The following COL22A1 variants were observed in gnomAD, a reference collection of about 807,000 sequenced individuals.
COL22A1 encodes the protein collagen type XXII alpha 1 chain.
In COL22A1, 221 loss-of-function variants were observed where a neutral mutation model predicts 248.9. The observed-to-expected ratio is 0.89, with a 90% CI of 0.80 to 0.99. The LOEUF (loss-of-function observed/expected upper bound fraction) is 0.99. Among genes scored for constraint, COL22A1 ranks in the 50% least tolerant of loss-of-function variants. COL22A1 has a pLI of 0.00. For missense variants in COL22A1, 2,240 were observed against 2,179.0 expected (o/e 1.03, Z -0.56); for synonymous variants, 891 against 793.4 (o/e 1.12, Z -2.07).
At chr8:138,872,415 G>A (rs1359745168) in intron 3 of COL22A1, among the ~76,000 whole-genome samples, 2 of 152,200 alleles carry the variant, frequency 1.3e-5, no homozygotes, top group Non-Finnish European at 2.9e-5. Flanking sequence ...ACAGGATGCA[G>A]CAAGGGACTC....
intron 5 of COL22A1, among the ~76,000 whole-genome samples, chr8:138,831,224 C>A (rs762151893): frequency 1.3e-5 from 2 of 152,158 alleles, no homozygotes; most frequent in Non-Finnish European, 2.9e-5. Flanking sequence ...CATGCAGAAA[C>A]CCCTACTCTA....
At chr8:138,902,735 TATATACACAC>T (rs1159531520) in intron 1 of COL22A1, among the ~76,000 whole-genome samples, 36 of 90,358 alleles carry the variant, frequency 4.0e-4, no homozygotes, top group African/African-American at 1.4e-3. Flanking sequence ...AATATATATA[TATATACACAC>T]ACACACACAC....
chr8:138,758,075 T>A (rs1232504997), intron 18 of COL22A1, among the ~76,000 whole-genome samples: 1 of 152,226 alleles, frequency 6.6e-6, no homozygotes, highest in African/African-American at 2.4e-5. Flanking sequence ...AACCAGTCAC[T>A]GCTCACTTTT....
intron 12 of COL22A1, among the ~76,000 whole-genome samples, chr8:138,783,330 C>G (rs1037308858): frequency 8.6e-5 from 13 of 151,796 alleles, no homozygotes; most frequent in African/African-American, 2.9e-4. Flanking sequence ...TATTAACTAA[C>G]AACAAGATCA....
In COL22A1 at chr8:138,606,468, TGA is replaced by T; in HGVS notation, c.4033-18_4033-17del. ...CTTTCTGGCCCTGCAAAGAGAAAAC[TGA>T]GAATTAATTCCTCAAGGTCACGTAC... On this transcript the variant is annotated splice_polypyrimidine_tract_variant and intron_variant, in intron 57 of 64. Transcript: ENST00000303045. The T allele has an allele frequency of 6.2e-7, 1 of 1,612,214 alleles. No homozygotes were observed. Among genetic ancestry groups the T allele is most frequent in the Non-Finnish European group, 8.5e-7 (1 of 1,179,188 alleles).
chr8:138,685,898 A>G lies in COL22A1; in HGVS notation c.2863-586T>C, dbSNP rs138768293. ...CTCAATGCAAAACATGGAAAAGGAA[A>G]GGACGTTAGTGACGACCTCCCACCC... On this transcript the variant is annotated intron_variant, in intron 37 of 64. Coordinates refer to ENST00000303045, the MANE Select transcript of COL22A1 (RefSeq NM_152888.3). 2.6e-3 allele frequency among the ~76,000 whole-genome samples: 392 copies of G among 152,294 alleles called. 4 individuals carry two copies. The highest frequency in any genetic ancestry group is 8.9e-3 in the African/African-American group (369 of 41,562).
chr8:138,747,449 G>T (rs574819635), intron 22 of COL22A1, among the ~76,000 whole-genome samples: 2 of 152,256 alleles, frequency 1.3e-5, no homozygotes, highest in South Asian at 2.1e-4. Context: ...GGCCTGAAAG[G>T]AAGCTCGTCT....
chr8:138,761,913 T>C (rs149150244), intron 17 of COL22A1, among the ~76,000 whole-genome samples: 1 of 152,266 alleles, frequency 6.6e-6, no homozygotes, highest in African/African-American at 2.4e-5. Flanking sequence ...CCCGACACCA[T>C]TCCCAACACT....
At chr8:138,912,113 T>C (rs534227577) in intron 1 of COL22A1, among the ~76,000 whole-genome samples, 4 of 152,146 alleles carry the variant, frequency 2.6e-5, no homozygotes, top group Non-Finnish European at 4.4e-5. Flanking sequence ...TCTCTATCTC[T>C]TCCATCAGCT....
At position 138,725,408 on chromosome 8, in the gene COL22A1, G is replaced by A. The variant is rs759144276; in HGVS notation, c.2172C>T (p.Pro724=). Residue 724 remains proline (P), a synonymous_variant, in exon 24 of 65, where the codon CCC becomes CCT. Coordinates refer to ENST00000303045, the MANE Select transcript of COL22A1 (RefSeq NM_152888.3). ...TTACCGGAGAACCTCCCGGTCCAGG[G>A]GGGCCTGGGACACCAGGGGGTCCTG... ...GPPGPPGVPG[P]PGPGGSPGLP... is the part of the protein sequence containing the mutation. 4 of 1,613,948 alleles carry A rather than the reference G, an allele frequency of 2.5e-6. No individual in the cohort carries two copies. Among genetic ancestry groups the A allele is most frequent in the East Asian group, 2.2e-5 (1 of 44,878 alleles).
intron 1 of COL22A1, among the ~76,000 whole-genome samples, chr8:138,906,032 G>T (rs896186828): frequency 2.0e-5 from 3 of 152,026 alleles, no homozygotes; most frequent in Non-Finnish European, 4.4e-5. Context: ...TTCCTTAGGG[G>T]CTCCCACAGA....
chr8:138,593,461 T>A (rs552086076), intron 63 of COL22A1, among the ~76,000 whole-genome samples: 1 of 152,138 alleles, frequency 6.6e-6, no homozygotes, highest in Non-Finnish European at 1.5e-5. Context: ...CTCTCTCACA[T>A]CTGTCTTCCT....
At position 138,877,998 on chromosome 8, in the gene COL22A1, G is replaced by C. The variant is rs1823874948; in HGVS notation, c.410C>G (p.Pro137Arg). ...CACCTGCTTGTAGGCGCGGTCCCTG[G>C]GGCGGCCGCCGGCGTGTGGGGAGAA... The part of the protein sequence containing the change: ...RSFSPHAGGR[P>R]RDRAYKQVAI... The change falls in exon 3 of 65, where the codon CCC (proline) becomes CGC (arginine). Residue 137 changes from proline (P) to arginine (R), a missense_variant. Pro to Arg is a moderately radical substitution (Grantham distance 103, BLOSUM62 -2). Coordinates refer to ENST00000303045, the MANE Select transcript of COL22A1 (RefSeq NM_152888.3). 1 of 1,583,710 alleles carries C rather than the reference G, an allele frequency of 6.3e-7. No homozygotes were observed. Among genetic ancestry groups the C allele is most frequent in the African/African-American group, 1.3e-5 (1 of 74,318 alleles).
chr8:138,816,755 T>C (rs2131727603), intron 7 of COL22A1, among the ~76,000 whole-genome samples: 1 of 152,254 alleles, frequency 6.6e-6, no homozygotes, highest in South Asian at 2.1e-4. Context: ...GTGTAGAATG[T>C]GTAGGATGCC....
chr8:138,614,298 G>C (rs1408781652), intron 55 of COL22A1, among the ~76,000 whole-genome samples: 1 of 152,136 alleles, frequency 6.6e-6, no homozygotes. Context: ...GAGTCACCAG[G>C]GTGAAAAACC....
intron 44 of COL22A1, among the ~76,000 whole-genome samples, chr8:138,660,168 G>A (rs1427126866): frequency 2.6e-5 from 4 of 152,186 alleles, no homozygotes; most frequent in Non-Finnish European, 2.9e-5. Flanking sequence ...TTCTGACAGC[G>A]GTGTTGACCC....
chr8:138,652,008 T>A (rs1822781467), intron 45 of COL22A1, among the ~76,000 whole-genome samples: 1 of 152,166 alleles, frequency 6.6e-6, no homozygotes, highest in African/African-American at 2.4e-5. Flanking sequence ...GACCTACCTG[T>A]GAGGGAGCTA....
chr8:138,755,002 A>G (rs1275393646), intron 21 of COL22A1, among the ~76,000 whole-genome samples, 155 bp downstream of exon 21: 1 of 152,120 alleles, frequency 6.6e-6, no homozygotes, highest in Non-Finnish European at 1.5e-5. Context: ...AGTTTTTCCT[A>G]CGTGAGACGT....
At chr8:138,651,009 G>A (rs1236465107) in intron 45 of COL22A1, among the ~76,000 whole-genome samples, 1 of 152,174 alleles carries the variant, frequency 6.6e-6, no homozygotes, top group Non-Finnish European at 1.5e-5. Context: ...CATAGTCCAT[G>A]AGGTGAAGCT....
Sources: gnomAD v4.1 joint callset for allele counts (sites outside exome capture counted in the v4.1 genomes callset) on GRCh38, gnomAD v4.1.1 for gene constraint, MANE v1.5 for transcripts, NCBI Gene and HGNC (gene_info 2026-07-23, HGNC 2026-07-21) for gene names.